The following TRIM66 variants were observed in gnomAD, a reference collection of about 807,000 sequenced individuals.
TRIM66 encodes tripartite motif containing 66, also known as tripartite motif-containing protein 66.
TRIM66 carries 99 observed loss-of-function variants against 148.2 expected under a neutral mutation model. That is an observed-to-expected ratio of 0.67 (90% CI 0.57 to 0.79). The LOEUF is 0.79. Among genes scored for constraint, TRIM66 ranks in the 30% least tolerant of loss-of-function variants. TRIM66 has a pLI of 0.00. For synonymous variants in TRIM66, 616 were observed against 635.9 expected (o/e 0.97, Z 0.47); for missense variants, 1,666 against 1,697.9 (o/e 0.98, Z 0.33).
At chr11:8,677,133 T>C (rs2039213800) in intron 3 of TRIM66, among the ~76,000 whole-genome samples, 2 of 152,204 alleles carry the variant, frequency 1.3e-5, no homozygotes, top group African/African-American at 4.8e-5. Context: ...AAAGATTGTT[T>C]GCATGAAGGG....
chr11:8,626,469 C>T (rs1592035084), intron 15 of TRIM66, among the ~76,000 whole-genome samples: 1 of 152,312 alleles, frequency 6.6e-6, no homozygotes, highest in East Asian at 1.9e-4. Context: ...CCTAGTCATT[C>T]AGTTCTGCAA....
At chr11:8,638,574 C>T in intron 15 of TRIM66, 80 bp downstream of exon 15, 1 of 1,479,942 alleles carries the variant, frequency 6.8e-7, no homozygotes, top group Non-Finnish European at 9.1e-7. Flanking sequence ...TCCCCCCACC[C>T]TATCCTCCTC....
intron 6 of TRIM66, among the ~76,000 whole-genome samples, chr11:8,655,470 C>T (rs1286066849): frequency 6.6e-6 from 1 of 152,120 alleles, no homozygotes; most frequent in Non-Finnish European, 1.5e-5. Flanking sequence ...TTTACTCTGC[C>T]TACAGCAGCC....
intron 10 of TRIM66, among the ~76,000 whole-genome samples, chr11:8,647,262 G>A (rs776381323): frequency 1.3e-5 from 2 of 152,066 alleles, no homozygotes; most frequent in South Asian, 2.1e-4. Flanking sequence ...TTTATGATAC[G>A]TAGATTATAT....
At chr11:8,661,334 AG>A (rs2038239633) in intron 6 of TRIM66, among the ~76,000 whole-genome samples, 1 of 152,230 alleles carries the variant, frequency 6.6e-6, no homozygotes, top group South Asian at 2.1e-4. Context: ...GCTGTGAAAC[AG>A]GCTTTCTGTG....
intron 23 of TRIM66, 90 bp from the exon 24 acceptor site, chr11:8,619,058 C>A: frequency 2.5e-6 from 3 of 1,224,106 alleles, no homozygotes; most frequent in Non-Finnish European, 3.5e-6. Flanking sequence ...AGCACAAAGC[C>A]TAGCGGGGTG....
Position 8,612,844 on chromosome 11 carries a change from AGCAG to A in TRIM66, c.*5096_*5099del, listed in dbSNP as rs1181763813. 6.6e-6 allele frequency: 1 copy of A among 152,366 alleles called. No homozygotes were observed. The highest frequency in any genetic ancestry group is 1.5e-5 in the Non-Finnish European group (1 of 68,150). 9.4% of individuals were successfully genotyped at this position (152,366 alleles called of 1,614,324 possible). A position where few individuals can be genotyped will look rare whatever the true frequency, so the allele number is the denominator to read the frequency against. ...CAATCCCAGGCTCCTTCCCAACTAC[AGCAG>A]GCTCTAACTGGTGCAGGATCATGGT... On this transcript the variant is annotated 3_prime_UTR_variant, in exon 25 of 25. Coordinates refer to ENST00000646038, the MANE Select transcript of TRIM66 (RefSeq NM_001388022.1).
In TRIM66 at chr11:8,617,580, T is replaced by C; in HGVS notation, c.*364A>G. The C allele has an allele frequency of 4.1e-6, 1 of 245,140 alleles. No homozygotes were observed. Among genetic ancestry groups the C allele is most frequent in the Non-Finnish European group, 7.9e-6 (1 of 126,962 alleles). The allele number at this position is 245,140 out of a possible 1,614,324, so 15.2% of individuals were successfully genotyped here. ...GGAGTTCAGATGTATACATGGCTCC[T>C]GAGCCCTGGACACTAAAAGGTTAGA... On this transcript the variant is annotated 3_prime_UTR_variant, in exon 25 of 25. Coordinates refer to ENST00000646038, the MANE Select transcript of TRIM66 (RefSeq NM_001388022.1).
At position 8,618,910 on chromosome 11, in the gene TRIM66, A is replaced by C; in HGVS notation, c.3959T>G (p.Leu1320Trp). 1.9e-6 allele frequency: 3 copies of C among 1,548,830 alleles called. No homozygotes were observed. The highest frequency in any genetic ancestry group is 2.6e-6 in the Non-Finnish European group (3 of 1,146,080). ...CCGTTTCTCCGGGTAGATCTCCTTCAACCAGCCCTCAAAGAACACTTCCAG... is the reference window on the plus strand; with the variant it reads ...CCGTTTCTCCGGGTAGATCTCCTTCCACCAGCCCTCAAAGAACACTTCCAG... ...RCLEVFFEGW[L>W]KEIYPEKRFA... The change falls in exon 24 of 25, where the codon TTG becomes TGG. Residue 1320 changes from leucine to tryptophan, a missense_variant. By Grantham distance (61) the Leu-to-Trp change is moderately conservative. Around this residue, in one of 3 missense-constraint regions of TRIM66, gnomAD observed 204 missense variants for 231.0 expected, o/e 0.88. Coordinates refer to ENST00000646038, the MANE Select transcript of TRIM66 (RefSeq NM_001388022.1).
chr11:8,682,655 A>C lies in TRIM66; in HGVS notation c.-602T>G, dbSNP rs1212259872. Reference sequence around the variant, plus strand: ...CGTGATGGGGGATCACCACCCTCAGAAAGAGGAAGCGACTAGCAGGCGCGC... The same window carrying C: ...CGTGATGGGGGATCACCACCCTCAGCAAGAGGAAGCGACTAGCAGGCGCGC... On this transcript the variant is annotated 5_prime_UTR_variant, in exon 1 of 25. Transcript: ENST00000646038. 6 of 803,888 alleles carry C rather than the reference A, an allele frequency of 7.5e-6. 1 individual carries two copies. Among genetic ancestry groups the C allele is most frequent in the South Asian group, 7.1e-5 (5 of 70,422 alleles). The allele number at this position is 803,888 out of a possible 1,614,324, so 49.8% of individuals were successfully genotyped here.
chr11:8,639,465 C>T (rs1234893394), intron 14 of TRIM66, among the ~76,000 whole-genome samples: 2 of 152,158 alleles, frequency 1.3e-5, no homozygotes, highest in African/African-American at 4.8e-5. Flanking sequence ...ACTGTTTCAA[C>T]TGTCTTTTAG....
rs2033674166 is a variant in TRIM66, at chr11:8,615,644, G to GTC, written c.*2299_*2300insGA. On this transcript the variant is annotated 3_prime_UTR_variant, in exon 25 of 25. Transcript: ENST00000646038. ...GGAAAAGCCAGCGAGAGGCAGGTGT[G>GTC]TAAAGGGAGCCTCTCAGCATGCAGG... is the stretch of plus-strand genomic sequence containing the variant. The GTC allele has an allele frequency of 1.3e-5, 2 of 151,864 alleles. No individual in the cohort carries two copies. Among genetic ancestry groups the GTC allele is most frequent in the Non-Finnish European group, 2.9e-5 (2 of 67,996 alleles). 9.4% of individuals were successfully genotyped at this position (151,864 alleles called of 1,614,324 possible).
rs1176123019 is a variant in TRIM66, at chr11:8,621,660, G to A, written c.3240C>T (p.Ser1080=). ...AAAGTGGTACCTTAATGGACATGCT[G>A]GAGGACTCAGTGCCACACTCGATGA... is the stretch of plus-strand genomic sequence containing the variant. ...LLIIECGTES[S]SMSIKVSQDR... is the part of the protein sequence containing the mutation. The change falls in exon 19 of 25, where the codon TCC becomes TCT. Residue 1080 remains serine (S), a synonymous_variant. Transcript: ENST00000646038. 1.9e-6 allele frequency: 3 copies of A among 1,539,904 alleles called. No individual in the cohort carries two copies. The highest frequency in any genetic ancestry group is 1.2e-5 in the South Asian group (1 of 81,450).
intron 6 of TRIM66, among the ~76,000 whole-genome samples, chr11:8,667,784 T>C (rs966657326): frequency 1.3e-5 from 2 of 152,254 alleles, no homozygotes; most frequent in Non-Finnish European, 2.9e-5. Context: ...ATTATATGTA[T>C]ATACCACATT....
At chr11:8,624,615 A>C in intron 16 of TRIM66, 64 bp from the exon 17 acceptor site, 1 of 1,485,952 alleles carries the variant, frequency 6.7e-7, no homozygotes, top group Non-Finnish European at 9.0e-7. Flanking sequence ...TAGTGGTCTC[A>C]GAACTGTTAA....
At chr11:8,626,073 A>G (rs1313724622) in intron 15 of TRIM66, among the ~76,000 whole-genome samples, 1 of 152,228 alleles carries the variant, frequency 6.6e-6, no homozygotes, top group Non-Finnish European at 1.5e-5. Flanking sequence ...TGAGGAGAAG[A>G]GATGTAAAAG....
intron 17 of TRIM66, among the ~76,000 whole-genome samples, chr11:8,623,544 A>C (rs2034512473): frequency 6.6e-6 from 1 of 152,230 alleles, no homozygotes; most frequent in Admixed American, 6.5e-5. Flanking sequence ...AAAAGGAGAA[A>C]AATTATTTCT....
At chr11:8,680,870 A>C (rs2133584572) in intron 1 of TRIM66, 2 of 152,404 alleles carry the variant, frequency 1.3e-5, no homozygotes, top group South Asian at 4.1e-4. Context: ...GTGACCAAAG[A>C]GTAGGAGGAA....
chr11:8,682,990 G>A (rs948710306), upstream of TRIM66: 143 of 947,856 alleles, frequency 1.5e-4, no homozygotes, highest in Non-Finnish European at 3.2e-5. Flanking sequence ...GGAGCCGTGT[G>A]TTAGGCCCGC....
Sources: allele counts gnomAD v4.1 joint callset (sites outside exome capture counted in the v4.1 genomes callset), GRCh38; gene constraint gnomAD v4.1.1; regional missense constraint gnomAD v4.1.1; transcripts MANE v1.5; gene names NCBI Gene and HGNC (gene_info 2026-07-23, HGNC 2026-07-21).